XPO6: variants seen among roughly 807,000 people sequenced by gnomAD.
The protein encoded by XPO6 is exportin 6.
Under a neutral mutation model 130.0 loss-of-function variants are expected in XPO6, and 3 were observed. That is an observed-to-expected ratio of 0.02 (90% CI 0.01 to 0.06). The LOEUF is 0.06. XPO6 is among the 10% of genes least tolerant of loss of function. XPO6 has a pLI of 1.00. For missense variants in XPO6, 970 were observed against 1,393.0 expected, an observed-to-expected ratio of 0.70 and a Z score of 4.83; for synonymous variants, 524 against 548.9, an observed-to-expected ratio of 0.95 and a Z score of 0.63.
chr16:28,104,256 G>A (rs2086721281), intron 21 of XPO6, among the ~76,000 whole-genome samples: 1 of 152,136 alleles, frequency 6.6e-6, no homozygotes, highest in Non-Finnish European at 1.5e-5. Flanking sequence ...TTTACACTTG[G>A]GGAAACAGCA....
intron 9 of XPO6, among the ~76,000 whole-genome samples, 197 bp from the exon 10 acceptor site, chr16:28,135,521 G>A (rs1213136390): frequency 6.6e-6 from 1 of 152,008 alleles, no homozygotes; most frequent in South Asian, 2.1e-4. Context: ...ATTTAATGAC[G>A]TACCAGGCAC....
intron 20 of XPO6, among the ~76,000 whole-genome samples, chr16:28,104,974 C>A (rs1423361838): frequency 6.6e-6 from 1 of 152,274 alleles, no homozygotes; most frequent in Non-Finnish European, 1.5e-5. Flanking sequence ...AGAGAATGCA[C>A]GGGTCAGTGC....
intron 1 of XPO6, among the ~76,000 whole-genome samples, chr16:28,204,600 G>A (rs1025456095): frequency 3.9e-5 from 6 of 152,118 alleles, no homozygotes; most frequent in African/African-American, 1.4e-4. Flanking sequence ...CAGACAGCTG[G>A]AGACTCGAGA....
intron 16 of XPO6, 84 bp downstream of exon 16, chr16:28,112,820 T>C: frequency 2.0e-6 from 3 of 1,517,540 alleles, no homozygotes; most frequent in Non-Finnish European, 2.7e-6. Flanking sequence ...GAGTACAAAA[T>C]CAAAGGCCAG....
Position 28,146,078 on chromosome 16 carries a change from T to C in XPO6, c.1334+16A>G, listed in dbSNP as rs1405885128. ...CAAAATGACCATATCTAGTTTTCAGTGTTTGAGGAGTTTACCTGTTGAGAA... is the reference window on the plus strand; with the variant it reads ...CAAAATGACCATATCTAGTTTTCAGCGTTTGAGGAGTTTACCTGTTGAGAA... On this transcript the variant is annotated intron_variant, in intron 9 of 23. Transcript: ENST00000304658. The C allele has an allele frequency of 3.2e-6, 5 of 1,583,216 alleles. No individual in the cohort carries two copies. The highest frequency in any genetic ancestry group is 4.3e-6 in the Non-Finnish European group (5 of 1,152,494).
At chr16:28,166,608 G>C (rs138424160) in intron 5 of XPO6, 23 bp from the exon 6 acceptor site, 1 of 1,563,398 alleles carries the variant, frequency 6.4e-7, no homozygotes, top group Non-Finnish European at 8.7e-7. Context: ...GAGAAACAGA[G>C]TTATAAGAGA....
intron 11 of XPO6, 102 bp downstream of exon 11, chr16:28,133,739 G>A (rs2042720426): frequency 2.0e-6 from 2 of 996,806 alleles, no homozygotes; most frequent in Non-Finnish European, 3.0e-6. Context: ...ATTACATAGA[G>A]GGGAAAGAGG....
chr16:28,123,470 T>C (rs1403049202), intron 13 of XPO6, among the ~76,000 whole-genome samples: 1 of 152,170 alleles, frequency 6.6e-6, no homozygotes, highest in Non-Finnish European at 1.5e-5. Flanking sequence ...TCTCTCTGCC[T>C]ACTCTGCGTG....
At chr16:28,113,297 G>C (rs1050560587) in intron 15 of XPO6, among the ~76,000 whole-genome samples, 1 of 152,114 alleles carries the variant, frequency 6.6e-6, no homozygotes, top group African/African-American at 2.4e-5. Context: ...CAGCAGCCTT[G>C]AACTCAGGCA....
chr16:28,173,736 G>A (rs975628905), intron 4 of XPO6, among the ~76,000 whole-genome samples: 1 of 152,208 alleles, frequency 6.6e-6, no homozygotes, highest in Non-Finnish European at 1.5e-5. Context: ...GGGGTTGAAA[G>A]CGGGAGGTGG....
chr16:28,200,542 G>A (rs1225074908), intron 1 of XPO6, among the ~76,000 whole-genome samples: 1 of 151,688 alleles, frequency 6.6e-6, no homozygotes, highest in Admixed American at 6.6e-5. Flanking sequence ...GGTGCAGTGA[G>A]CCAAGATTGC....
At chr16:28,129,873 A>G (rs1247635138) in intron 12 of XPO6, among the ~76,000 whole-genome samples, 3 of 152,246 alleles carry the variant, frequency 2.0e-5, no homozygotes, top group African/African-American at 7.2e-5. Context: ...GAAGATGCCA[A>G]TGAGGGGTGG....
At chr16:28,190,369 G>A (rs1008569833) in intron 1 of XPO6, among the ~76,000 whole-genome samples, 3 of 151,836 alleles carry the variant, frequency 2.0e-5, no homozygotes, top group Non-Finnish European at 4.4e-5. Context: ...ACAGGTGCCC[G>A]CCACCACACC....
intron 6 of XPO6, among the ~76,000 whole-genome samples, chr16:28,163,774 G>A (rs764164887): frequency 5.9e-5 from 9 of 152,190 alleles, no homozygotes; most frequent in Non-Finnish European, 8.8e-5. Context: ...TGGTGAGAAC[G>A]ACCAAGAAAG....
intron 21 of XPO6, among the ~76,000 whole-genome samples, chr16:28,102,707 A>C (rs2086679082): frequency 6.6e-6 from 1 of 152,116 alleles, no homozygotes. Flanking sequence ...CACTCACTGC[A>C]CTCCAGCCTA....
At chr16:28,135,618 T>C (rs1194380316) in intron 9 of XPO6, among the ~76,000 whole-genome samples, 2 of 152,212 alleles carry the variant, frequency 1.3e-5, no homozygotes, top group Non-Finnish European at 2.9e-5. Flanking sequence ...TTGTCTCCTA[T>C]TAGTATAGTG....
chr16:28,125,619 G>A (rs1179194383), intron 13 of XPO6, 70 bp downstream of exon 13: 2 of 1,547,786 alleles, frequency 1.3e-6, no homozygotes, highest in African/African-American at 2.7e-5. Context: ...GCAATATGCT[G>A]CCCCTCACAC....
At chr16:28,205,999 C>T (rs1005100619) in intron 1 of XPO6, among the ~76,000 whole-genome samples, 1 of 144,746 alleles carries the variant, frequency 6.9e-6, no homozygotes, top group Non-Finnish European at 1.5e-5. Flanking sequence ...GATCACGCCA[C>T]TGCACTCCAG....
chr16:28,140,880 GAA>G (rs922719291), intron 9 of XPO6, among the ~76,000 whole-genome samples: 1 of 151,976 alleles, frequency 6.6e-6, no homozygotes, highest in Admixed American at 6.6e-5. Flanking sequence ...AATGAACAAA[GAA>G]ATGAATGAAA....
Sources: gnomAD v4.1 joint callset for allele counts (sites outside exome capture counted in the v4.1 genomes callset) on GRCh38, gnomAD v4.1.1 for gene constraint, MANE v1.5 for transcripts, NCBI Gene and HGNC (gene_info 2026-07-23, HGNC 2026-07-21) for gene names.